Variants in C5orf34 observed in about 807,000 individuals in gnomAD.
C5orf34 encodes the protein uncharacterized protein C5orf34.
A neutral mutation model predicts 78.4 loss-of-function variants in C5orf34; 73 were observed. The ratio of observed to expected loss-of-function variants is 0.93; its 90% CI spans 0.77 to 1.13. The LOEUF (loss-of-function observed/expected upper bound fraction) is 1.13, where lower values mean the gene tolerates loss of function less well. Ranked by LOEUF, C5orf34 falls within the 50% of genes most tolerant of loss-of-function variation. The pLI, the probability that C5orf34 is intolerant of heterozygous loss-of-function variation, is 0.00. For synonymous variants in C5orf34, 251 were observed against 246.6 expected, an observed-to-expected ratio of 1.02 and a Z score of -0.17; for missense variants, 730 against 732.7, an observed-to-expected ratio of 1.00 and a Z score of 0.04.
intron 9 of C5orf34, 123 bp from the exon 10 acceptor site, chr5:43,492,432 A>C (rs1007819780): frequency 2.9e-6 from 2 of 687,854 alleles, no homozygotes; most frequent in East Asian, 2.7e-5. Context: ...CAACAGTTTA[A>C]ATGTTGTTTA....
chr5:43,503,870 T>C (rs1326403440), intron 4 of C5orf34, 110 bp from the exon 5 acceptor site: 10 of 668,016 alleles, frequency 1.5e-5, no homozygotes, highest in Admixed American at 2.7e-5. Flanking sequence ...TTTAACTCAC[T>C]AGATCAAAGA....
Position 43,486,714 on chromosome 5 carries a change from T to C in C5orf34, c.*201A>G. Reference sequence around the variant, plus strand: ...GAATTAAATGTGAAACGTTCAAAACTTCGAAATATTTATTATTAAGATATA... The same window carrying C: ...GAATTAAATGTGAAACGTTCAAAACCTCGAAATATTTATTATTAAGATATA... On this transcript the variant is annotated 3_prime_UTR_variant, in exon 13 of 13. Transcript: ENST00000306862. The C allele has an allele frequency of 3.1e-6, 1 of 320,070 alleles. No homozygotes were observed. Among genetic ancestry groups the C allele is most frequent in the Non-Finnish European group, 5.6e-6 (1 of 177,306 alleles). 19.8% of individuals were successfully genotyped at this position (320,070 alleles called of 1,614,324 possible).
intron 1 of C5orf34, among the ~76,000 whole-genome samples, chr5:43,510,054 A>G (rs1746158587): frequency 6.6e-6 from 1 of 152,168 alleles, no homozygotes; most frequent in Admixed American, 6.5e-5. Flanking sequence ...CGCCCGGCCT[A>G]AAGAAATTTA....
At chr5:43,507,888 C>T (rs1746061558) in intron 3 of C5orf34, among the ~76,000 whole-genome samples, 1 of 151,962 alleles carries the variant, frequency 6.6e-6, no homozygotes, top group Non-Finnish European at 1.5e-5. Flanking sequence ...ACCATGCTGG[C>T]TAACATGATG....
intron 6 of C5orf34, among the ~76,000 whole-genome samples, chr5:43,497,227 G>A (rs1420275623): frequency 1.3e-5 from 2 of 152,084 alleles, no homozygotes. Context: ...CTTCTCTTCT[G>A]ACTTCTTGAT....
intron 6 of C5orf34, among the ~76,000 whole-genome samples, chr5:43,499,809 T>C (rs1157883787): frequency 1.3e-5 from 2 of 152,256 alleles, no homozygotes. Flanking sequence ...TACCTCATTC[T>C]TTTCAACTAC....
chr5:43,512,760 CTTTTTTTTTTTTTTTTTTTTTTTTTTTTT>C (rs58813772), intron 1 of C5orf34, among the ~76,000 whole-genome samples: 1 of 72,880 alleles, frequency 1.4e-5, no homozygotes. Flanking sequence ...CCCACCTTGT[CTTTTTTTTTTTTTTTTTTTTTTTTTTTTT>C]TTTTTTTTTT....
At chr5:43,496,018 T>G in intron 6 of C5orf34, 1 of 1,591,502 alleles carries the variant, frequency 6.3e-7, no homozygotes, top group Non-Finnish European at 8.5e-7. Flanking sequence ...CAACAATTAG[T>G]TGTTTCACAC....
chr5:43,490,595 C>G, intron 11 of C5orf34, 36 bp downstream of exon 11: 1 of 1,293,850 alleles, frequency 7.7e-7, no homozygotes, highest in Non-Finnish European at 1.1e-6. Flanking sequence ...AAAGTATTAG[C>G]TCTTCTAAAC....
intron 5 of C5orf34, among the ~76,000 whole-genome samples, chr5:43,502,981 G>A (rs1745826585): frequency 6.6e-6 from 1 of 152,172 alleles, no homozygotes; most frequent in African/African-American, 2.4e-5. Context: ...AAGGTACTGG[G>A]TATATACCAA....
Position 43,493,606 on chromosome 5 carries a change from A to G in C5orf34, c.1251T>C (p.Leu417=). Residue 417 remains leucine, a synonymous_variant, in exon 8 of 13, where the codon CTT becomes CTC. Coordinates refer to ENST00000306862, the MANE Select transcript of C5orf34 (RefSeq NM_198566.4). ...AAAGTCTCATCTTCACACAATGTTGAAGAATTCTGTGAACACAAAAAATAC... is the reference window on the plus strand; with the variant it reads ...AAAGTCTCATCTTCACACAATGTTGGAGAATTCTGTGAACACAAAAAATAC... ...GSLIKQATRI[L]QHCVKMRLSL... The G allele has an allele frequency of 6.4e-7, 1 of 1,569,560 alleles. No individual in the cohort carries two copies. Among genetic ancestry groups the G allele is most frequent in the Non-Finnish European group, 8.7e-7 (1 of 1,155,240 alleles).
chr5:43,496,581 A>ATT, intron 6 of C5orf34: 1 of 608,944 alleles, frequency 1.6e-6, no homozygotes, highest in Non-Finnish European at 2.3e-6. Context: ...AGTTTTTTTT[A>ATT]ATTTTTTTTT....
In C5orf34 at chr5:43,503,734, T is replaced by C; in HGVS notation, c.959A>G (p.Gln320Arg). Residue 320 changes from glutamine (Q) to arginine (R), a missense_variant, in exon 5 of 13, where the codon CAG (glutamine) becomes CGG (arginine). Coordinates refer to ENST00000306862, the MANE Select transcript of C5orf34 (RefSeq NM_198566.4). ...HRWNFCDSLLQRQSDEYSYPE... is the reference protein window; with the variant it reads ...HRWNFCDSLLRRQSDEYSYPE... ...ATAGGAATATTCATCAGATTGTCTC[T>C]GTAAAAGTGAATCACAAAAATTCCA... 1 of 1,613,386 alleles carries C rather than the reference T, an allele frequency of 6.2e-7. No individual in the cohort carries two copies. The highest frequency in any genetic ancestry group is 8.5e-7 in the Non-Finnish European group (1 of 1,179,386).
rs767370833 is a variant in C5orf34, at chr5:43,487,012, A to G, written c.1820T>C (p.Leu607Pro). Residue 607 changes from leucine (L) to proline (P), a missense_variant, in exon 13 of 13, where the codon CTA becomes CCA. Physicochemically the swap from Leu to Pro is moderately conservative, Grantham distance 98 (BLOSUM62 -3). Transcript: ENST00000306862. The stretch of plus-strand genomic sequence containing the variant: ...TACTCTATTTTCATTAACTTCTCCT[A>G]GCAAGGTTTCTGAAGATCCTGGTTT... ...HYKPGSSETL[L>P]GEVNENRVSI... The G allele has an allele frequency of 1.9e-6, 3 of 1,589,890 alleles. No homozygotes were observed. Among genetic ancestry groups the G allele is most frequent in the Admixed American group, 1.8e-5 (1 of 57,094 alleles).
Position 43,487,062 on chromosome 5 carries a change from AT to A in C5orf34, c.1769del (p.Asn590MetfsTer18). On this transcript the variant is annotated frameshift_variant, in exon 13 of 13. Transcript: ENST00000306862. LOFTEE classifies it high-confidence loss of function. ...GILNQISNKK[N>X]EQQSFDHYKP... ...TATAATGATCAAAAGACTGTTGTTC[AT>A]TTTTCTTGTTAGAAATCTGGTTTAG... 1 of 1,567,540 alleles carries A rather than the reference AT, an allele frequency of 6.4e-7. No homozygotes were observed. Among genetic ancestry groups the A allele is most frequent in the South Asian group, 1.2e-5 (1 of 82,394 alleles).
chr5:43,511,992 C>G lies in C5orf34; in HGVS notation c.-36-2617G>C, dbSNP rs1007103928. On this transcript the variant is annotated intron_variant, in intron 1 of 12. Transcript: ENST00000306862. ...CTATTGTCCTATGACCCTGCCAAAT[C>G]CCCCTCTGTGAGAAACACCCAAGAA... is the stretch of plus-strand genomic sequence containing the variant. 6.1e-5 allele frequency among the ~76,000 whole-genome samples: 9 copies of G among 148,212 alleles called. No homozygotes were observed. In the South Asian group the frequency reaches 1.5e-3, roughly 24 times the overall value.
At chr5:43,487,772 T>G (rs3776423) in intron 12 of C5orf34, 137 bp downstream of exon 12, 325,512 of 642,600 alleles carry the variant, frequency 0.51, 88,231 homozygotes, top group African/African-American at 0.77. Context: ...AATTACAATC[T>G]TAGGTATTTG....
chr5:43,508,851 T>C (rs895591512), intron 2 of C5orf34, among the ~76,000 whole-genome samples, 185 bp from the exon 3 acceptor site: 1 of 152,214 alleles, frequency 6.6e-6, no homozygotes, highest in Non-Finnish European at 1.5e-5. Flanking sequence ...CCTGGCATAA[T>C]GGGAGGCCAA....
chr5:43,492,967 G>T, intron 8 of C5orf34, 77 bp from the exon 9 acceptor site: 1 of 949,408 alleles, frequency 1.1e-6, no homozygotes, highest in Non-Finnish European at 1.5e-6. Flanking sequence ...AATGACTCTA[G>T]GGCAATTTTG....
Sources: allele counts gnomAD v4.1 joint callset (sites outside exome capture counted in the v4.1 genomes callset), GRCh38; gene constraint gnomAD v4.1.1; transcripts MANE v1.5; gene names NCBI Gene and HGNC (gene_info 2026-07-23, HGNC 2026-07-21).